The following PRRC2A variants were observed in gnomAD, a reference collection of about 807,000 sequenced individuals.
PRRC2A encodes protein PRRC2A.
A neutral mutation model predicts 224.6 loss-of-function variants in PRRC2A; 59 were observed. The observed-to-expected ratio is 0.26, with a 90% CI of 0.21 to 0.33. The LOEUF is 0.33. PRRC2A is among the 10% of genes least tolerant of loss of function. The pLI is 1.00. For synonymous variants in PRRC2A, 1,194 were observed against 1,109.5 expected (o/e 1.08, Z -1.51); for missense variants, 3,095 against 2,880.7 (o/e 1.07, Z -1.70).
chr6:31,637,249 C>T lies in PRRC2A; in HGVS notation c.6258C>T (p.Leu2086=). Residue 2086 remains leucine (L), a synonymous_variant, in exon 30 of 31, where the codon CTC becomes CTT. Transcript: ENST00000376033. ...TPPTGRSFSG[L]NSRLKATPST... is the part of the protein sequence containing the mutation. Reference sequence around the variant, plus strand: ...CTTCCCTTAGGTCCTTCTCTGGCCTCAATTCCCGTCTCAAGGCCACGCCTT... The same window carrying T: ...CTTCCCTTAGGTCCTTCTCTGGCCTTAATTCCCGTCTCAAGGCCACGCCTT... 6.2e-7 allele frequency: 1 copy of T among 1,611,918 alleles called. No individual in the cohort carries two copies. The highest frequency in any genetic ancestry group is 8.5e-7 in the Non-Finnish European group (1 of 1,178,996).
chr6:31,629,247 T>C lies in PRRC2A; in HGVS notation c.1869T>C (p.Ile623=). 6.2e-7 allele frequency: 1 copy of C among 1,613,348 alleles called. No homozygotes were observed. The change falls in exon 13 of 31, where the codon ATT becomes ATC. Residue 623 remains isoleucine, a synonymous_variant. Coordinates refer to ENST00000376033, the MANE Select transcript of PRRC2A (RefSeq NM_004638.4). ...AGGTGGAACCCAAGGGTGATGGGAT[T>C]GGTCCCACCCGCCAGCCCCCTAGTC... The part of the protein sequence containing the change: ...VPKVEPKGDG[I]GPTRQPPSQG...
chr6:31,635,735 C>T lies in PRRC2A; in HGVS notation c.5527C>T (p.Pro1843Ser), dbSNP rs1777258423. ...TGAGGTTTTCTATGGCAGTGCTGGG[C>T]CTTCCAGTTCTCAGGTAGGCCCCGC... ...YPEVFYGSAG[P>S]SSSQISGGAM... Residue 1843 changes from proline to serine, a missense_variant, in exon 24 of 31, where the codon CCT (proline) becomes TCT (serine). Around this residue, in one of 8 missense-constraint regions of PRRC2A, gnomAD observed 662 missense variants for 609.5 expected, o/e 1.09. Coordinates refer to ENST00000376033, the MANE Select transcript of PRRC2A (RefSeq NM_004638.4). The T allele has an allele frequency of 6.3e-7, 1 of 1,586,236 alleles. No homozygotes were observed. The highest frequency in any genetic ancestry group is 1.8e-5 in the Admixed American group (1 of 54,300).
Position 31,631,529 on chromosome 6 carries a change from A to G in PRRC2A, c.2856A>G (p.Ile952Met), listed in dbSNP as rs1252995550. ...PGAPPRRAGP[I>M]KKPPPPTKVE... ...CCCCACCCCGCCGGGCTGGGCCTATAAAGAAACCTCCACCACCTACAAAAG... is the reference window on the plus strand; with the variant it reads ...CCCCACCCCGCCGGGCTGGGCCTATGAAGAAACCTCCACCACCTACAAAAG... Residue 952 changes from isoleucine (I) to methionine (M), a missense_variant, in exon 16 of 31, where the codon ATA becomes ATG. Physicochemically the swap from Ile to Met is conservative, Grantham distance 10 (BLOSUM62 1). This residue lies in a region of PRRC2A where 2,001 missense variants were observed against 1,764.9 expected (regional missense o/e 1.13). Transcript: ENST00000376033. The surrounding 1 kb of genome is among the most constrained non-coding windows in gnomAD (Gnocchi z 4.5). 6.3e-7 allele frequency: 1 copy of G among 1,596,338 alleles called. No individual in the cohort carries two copies. Among genetic ancestry groups the G allele is most frequent in the South Asian group, 1.1e-5 (1 of 88,908 alleles).
At position 31,623,897 on chromosome 6, in the gene PRRC2A, C is replaced by T; in HGVS notation, c.278C>T (p.Ser93Phe). Residue 93 changes from serine (S) to phenylalanine (F), a missense_variant, in exon 3 of 31, where the codon TCC becomes TTC. Coordinates refer to ENST00000376033, the MANE Select transcript of PRRC2A (RefSeq NM_004638.4). ...GTGWASKQEQ[S>F]DPKSSDASTA... ...GGATGGGCAAGCAAACAGGAGCAGTCCGACCCCAAGAGGTAGACAGAGGCT... is the reference window on the plus strand; with the variant it reads ...GGATGGGCAAGCAAACAGGAGCAGTTCGACCCCAAGAGGTAGACAGAGGCT... The T allele has an allele frequency of 6.2e-7, 1 of 1,614,144 alleles. No homozygotes were observed. Among genetic ancestry groups the T allele is most frequent in the Non-Finnish European group, 8.5e-7 (1 of 1,180,018 alleles).
chr6:31,625,189 T>C lies in PRRC2A; in HGVS notation c.482T>C (p.Leu161Pro), dbSNP rs764902829. The change falls in exon 6 of 31, where the codon CTA (leucine) becomes CCA (proline). Residue 161 changes from leucine (L) to proline (P), a missense_variant. This residue lies in a region of PRRC2A where 287 missense variants were observed against 275.3 expected (regional missense o/e 1.04). Transcript: ENST00000376033. The surrounding 1 kb of genome is among the most constrained non-coding windows in gnomAD (Gnocchi z 4.1). Reference sequence around the variant, plus strand: ...CTAATAGGTGGAAGGGCATCAAGCCTACTGTCACGATTCTCTCGAGAGGAA... The same window carrying C: ...CTAATAGGTGGAAGGGCATCAAGCCCACTGTCACGATTCTCTCGAGAGGAA... ...AHGDGGRASS[L>P]LSRFSREEFP... is the part of the protein sequence containing the mutation. 1 of 1,612,984 alleles carries C rather than the reference T, an allele frequency of 6.2e-7. No homozygotes were observed. Among genetic ancestry groups the C allele is most frequent in the East Asian group, 2.2e-5 (1 of 44,870 alleles).
At chr6:31,630,999 T>G (rs1274782646) in intron 15 of PRRC2A, 140 bp from the exon 16 acceptor site, 1 of 1,209,876 alleles carries the variant, frequency 8.3e-7, no homozygotes, top group Non-Finnish European at 1.1e-6. Context: ...GAGACTAGCC[T>G]CGGCAACTGG....
rs369956824 is a variant in PRRC2A, at chr6:31,631,581, G to A, written c.2908G>A (p.Glu970Lys). The A allele has an allele frequency of 1.0e-5, 16 of 1,570,868 alleles. No individual in the cohort carries two copies. Among genetic ancestry groups the A allele is most frequent in the Non-Finnish European group, 1.0e-5 (12 of 1,163,176 alleles). ...AGAAGAGCTGCCTCCCAAGCCCCTC[G>A]AACAGGGGGATGAAACCCCCAAACC... ...KVEELPPKPL[E>K]QGDETPKPPK... The change falls in exon 16 of 31, where the codon GAA (glutamate) becomes AAA (lysine). Residue 970 changes from glutamate (E) to lysine (K), a missense_variant. By Grantham distance (56) the Glu-to-Lys change is moderately conservative. This residue lies in a region of PRRC2A where 2,001 missense variants were observed against 1,764.9 expected (regional missense o/e 1.13). Transcript: ENST00000376033. This position sits in a 1 kb window ranked among gnomAD's most constrained non-coding sequence, Gnocchi z 4.5.
At chr6:31,624,930 C>T (rs1192076887) in intron 5 of PRRC2A, 8 of 555,872 alleles carry the variant, frequency 1.4e-5, no homozygotes, top group Admixed American at 6.4e-5. Flanking sequence ...TCCAGAGTAG[C>T]GGGACTACAG....
At position 31,636,621 on chromosome 6, in the gene PRRC2A, T is replaced by G. The variant is rs376733356; in HGVS notation, c.5934+13T>G. 1.1e-4 allele frequency: 177 copies of G among 1,592,376 alleles called. No individual in the cohort carries two copies. In the African/African-American group the frequency reaches 2.2e-3, roughly 20 times the overall value. ...TCCTGCCCAGCAGGTATATTGTATCTTCACACTTCCCCTTCATTTGATTTC... is the reference window on the plus strand; with the variant it reads ...TCCTGCCCAGCAGGTATATTGTATCGTCACACTTCCCCTTCATTTGATTTC... On this transcript the variant is annotated intron_variant, in intron 27 of 30. Transcript: ENST00000376033. The surrounding 1 kb of genome is among the most constrained non-coding windows in gnomAD (Gnocchi z 4.3).
Position 31,627,806 on chromosome 6 carries a change from T to G in PRRC2A, c.1332T>G (p.Asp444Glu), listed in dbSNP as rs1776080530. The stretch of plus-strand genomic sequence containing the variant: ...CCTGCAAGCCCCCAGCACCTGAAGA[T>G]GAGGATGAGGCATGGCGGCAGCGAC... ...GPPCKPPAPE[D>E]EDEAWRQRRK... is the part of the protein sequence containing the mutation. Residue 444 changes from aspartate (D) to glutamate (E), a missense_variant, in exon 12 of 31, where the codon GAT becomes GAG. Coordinates refer to ENST00000376033, the MANE Select transcript of PRRC2A (RefSeq NM_004638.4). This position sits in a 1 kb window ranked among gnomAD's most constrained non-coding sequence, Gnocchi z 5.6. 1.2e-6 allele frequency: 2 copies of G among 1,612,814 alleles called. No individual in the cohort carries two copies. The highest frequency in any genetic ancestry group is 1.7e-6 in the Non-Finnish European group (2 of 1,179,998).
chr6:31,625,514 C>G lies in PRRC2A; in HGVS notation c.662C>G (p.Pro221Arg), dbSNP rs144276631. The G allele has an allele frequency of 3.8e-6, 6 of 1,582,330 alleles. No individual in the cohort carries two copies. The highest frequency in any genetic ancestry group is 5.2e-6 in the Non-Finnish European group (6 of 1,160,436). ...CGTGGCCCTGATGAGCTGGAGGGCC[C>G]GGACTCCAAACTTCATCATGGTCAT... ...GGRGPDELEGPDSKLHHGHDP... is the reference protein window; with the variant it reads ...GGRGPDELEGRDSKLHHGHDP... The change falls in exon 7 of 31, where the codon CCG (proline) becomes CGG (arginine). Residue 221 changes from proline to arginine, a missense_variant. Pro to Arg is a moderately radical substitution (Grantham distance 103). Around this residue, in one of 8 missense-constraint regions of PRRC2A, gnomAD observed 287 missense variants for 275.3 expected, o/e 1.04. Transcript: ENST00000376033. The surrounding 1 kb of genome is among the most constrained non-coding windows in gnomAD (Gnocchi z 4.1).
At chr6:31,630,210 G>A (rs896884226) in intron 14 of PRRC2A, among the ~76,000 whole-genome samples, 2 of 152,192 alleles carry the variant, frequency 1.3e-5, no homozygotes, top group Admixed American at 6.5e-5. Context: ...CCAGCTACTC[G>A]GGAGACTGAG....
rs1775982455 is a variant in PRRC2A, at chr6:31,627,001, T to G, written c.1093T>G (p.Ser365Ala). Residue 365 changes from serine (S) to alanine (A), a missense_variant, in exon 11 of 31, where the codon TCT (serine) becomes GCT (alanine). Physicochemically the swap from Ser to Ala is moderately conservative, Grantham distance 99. Coordinates refer to ENST00000376033, the MANE Select transcript of PRRC2A (RefSeq NM_004638.4). The surrounding 1 kb of genome is among the most constrained non-coding windows in gnomAD (Gnocchi z 5.6). ...TCACAGCAGGGATTCCCAATCAGCTTCTGGTGAGGAACGGCCCCCTGAAGC... is the reference window on the plus strand; with the variant it reads ...TCACAGCAGGGATTCCCAATCAGCTGCTGGTGAGGAACGGCCCCCTGAAGC... Reference protein sequence around the residue: ...AEGHRDSQSASGEERPPEADG... With the variant: ...AEGHRDSQSAAGEERPPEADG... 1 of 1,614,054 alleles carries G rather than the reference T, an allele frequency of 6.2e-7. No individual in the cohort carries two copies. The highest frequency in any genetic ancestry group is 1.7e-5 in the Admixed American group (1 of 60,010).
In PRRC2A at chr6:31,636,132, A is replaced by C; in HGVS notation, c.5625-77A>C. On this transcript the variant is annotated intron_variant, in intron 25 of 30. Coordinates refer to ENST00000376033, the MANE Select transcript of PRRC2A (RefSeq NM_004638.4). The surrounding 1 kb of genome is among the most constrained non-coding windows in gnomAD (Gnocchi z 4.3). ...GAAGGGGAAGACACAGTTCTAGGGT[A>C]CTAGAAGCTAGTGGACTTAAGGCAT... 1 of 1,541,492 alleles carries C rather than the reference A, an allele frequency of 6.5e-7. No homozygotes were observed. The highest frequency in any genetic ancestry group is 9.0e-7 in the Non-Finnish European group (1 of 1,114,240).
intron 20 of PRRC2A, 71 bp from the exon 21 acceptor site, chr6:31,634,678 TTGTA>T (rs1777105853): frequency 1.9e-6 from 3 of 1,564,088 alleles, no homozygotes; most frequent in Non-Finnish European, 1.8e-6. Flanking sequence ...TTTCTGCAGT[TTGTA>T]TGTGTGCATC....
chr6:31,625,746 GTA>G lies in PRRC2A; in HGVS notation c.760-42_760-41del, dbSNP rs765873902. 1.3e-6 allele frequency: 2 copies of G among 1,555,146 alleles called. No homozygotes were observed. Among genetic ancestry groups the G allele is most frequent in the Non-Finnish European group, 1.8e-6 (2 of 1,126,574 alleles). ...ATAGCAGGCTTAAGGAGCTAGAAGG[GTA>G]TATGACTGTCCCTCTGAGCAGCTAC... On this transcript the variant is annotated intron_variant, in intron 7 of 30. Coordinates refer to ENST00000376033, the MANE Select transcript of PRRC2A (RefSeq NM_004638.4). The surrounding 1 kb of genome is among the most constrained non-coding windows in gnomAD (Gnocchi z 4.1).
At position 31,631,148 on chromosome 6, in the gene PRRC2A, T is replaced by G. The variant is rs776387302; in HGVS notation, c.2475T>G (p.Thr825=). Residue 825 remains threonine (T), a synonymous_variant, in exon 16 of 31, where the codon ACT becomes ACG. Coordinates refer to ENST00000376033, the MANE Select transcript of PRRC2A (RefSeq NM_004638.4). The surrounding 1 kb of genome is among the most constrained non-coding windows in gnomAD (Gnocchi z 4.5). ...CTGTCTGTCTCTTCAGGAGCGAGAC[T>G]CCTCCAGTACCTCCCCCACCACCCT... ...DEDDKGMRSE[T]PPVPPPPPYL... is the part of the protein sequence containing the mutation. 2.0e-6 allele frequency: 3 copies of G among 1,513,926 alleles called. No homozygotes were observed. The highest frequency in any genetic ancestry group is 2.7e-6 in the Non-Finnish European group (3 of 1,126,678). 93.8% of individuals were successfully genotyped at this position (1,513,926 alleles called of 1,614,324 possible).
In PRRC2A at chr6:31,625,487, G is replaced by A; in HGVS notation, c.635G>A (p.Gly212Glu). Residue 212 changes from glycine to glutamate, a missense_variant, in exon 7 of 31, where the codon GGG becomes GAG. Physicochemically the swap from Gly to Glu is moderately conservative, Grantham distance 98 (BLOSUM62 -2). This residue lies in a region of PRRC2A where 287 missense variants were observed against 275.3 expected (regional missense o/e 1.04). Transcript: ENST00000376033. This position sits in a 1 kb window ranked among gnomAD's most constrained non-coding sequence, Gnocchi z 4.1. ...QNSTTWRDGG[G>E]RGPDELEGPD... ...TCTACAACTTGGAGGGACGGAGGTGGGCGTGGCCCTGATGAGCTGGAGGGC... is the reference window on the plus strand; with the variant it reads ...TCTACAACTTGGAGGGACGGAGGTGAGCGTGGCCCTGATGAGCTGGAGGGC... 2 of 1,589,668 alleles carry A rather than the reference G, an allele frequency of 1.3e-6. No homozygotes were observed. Among genetic ancestry groups the A allele is most frequent in the South Asian group, 2.3e-5 (2 of 87,832 alleles).
intron 2 of PRRC2A, 84 bp from the exon 3 acceptor site, chr6:31,623,648 C>A: frequency 2.1e-6 from 3 of 1,415,676 alleles, no homozygotes; most frequent in Non-Finnish European, 2.9e-6. Context: ...AAATATTCAA[C>A]ATGTATAAAT....
Sources: gnomAD v4.1 joint callset for allele counts (sites outside exome capture counted in the v4.1 genomes callset) on GRCh38, gnomAD v4.1.1 for gene constraint, gnomAD v4.1.1 regional missense constraint, Gnocchi (gnomAD v3.1) non-coding constraint, MANE v1.5 for transcripts, NCBI Gene and HGNC (gene_info 2026-07-23, HGNC 2026-07-21) for gene names.